Variants in CUL2 observed in about 807,000 individuals in gnomAD.
CUL2 encodes cullin 2.
Under a neutral mutation model 110.2 loss-of-function variants are expected in CUL2, and 22 were observed. The observed-to-expected ratio is 0.20, with a 90% confidence interval of 0.14 to 0.28. The LOEUF is 0.28. Among genes scored for constraint, CUL2 ranks in the 10% least tolerant of loss-of-function variants. The probability of loss-of-function intolerance (pLI) is 1.00; values close to 1 mark genes in which losing one functional copy is unlikely to be tolerated. For missense variants in CUL2, 631 were observed against 905.5 expected, an observed-to-expected ratio of 0.70 and a Z score of 3.89; for synonymous variants, 279 against 293.2, an observed-to-expected ratio of 0.95 and a Z score of 0.49.
intron 1 of CUL2, among the ~76,000 whole-genome samples, chr10:35,083,102 A>G (rs989347694): frequency 6.6e-6 from 1 of 151,130 alleles, no homozygotes; most frequent in African/African-American, 2.4e-5. Flanking sequence ...GGTTGCAGTG[A>G]GCCAAGATCG....
intron 17 of CUL2, among the ~76,000 whole-genome samples, chr10:35,019,699 G>A (rs1309247200): frequency 6.6e-6 from 1 of 152,148 alleles, no homozygotes; most frequent in Non-Finnish European, 1.5e-5. Flanking sequence ...TAAAGAGCGG[G>A]CAGAACTCTC....
intron 1 of CUL2, among the ~76,000 whole-genome samples, chr10:35,077,219 T>C (rs2086841155): frequency 6.6e-6 from 1 of 151,128 alleles, no homozygotes; most frequent in South Asian, 2.1e-4. Flanking sequence ...TCAAAAACAT[T>C]CTACTAAGTG....
intron 1 of CUL2, among the ~76,000 whole-genome samples, chr10:35,078,658 A>G (rs2086879515): frequency 6.6e-6 from 1 of 152,178 alleles, no homozygotes; most frequent in Non-Finnish European, 1.5e-5. Flanking sequence ...GAGCAAAAAA[A>G]CAATTTAGAT....
intron 1 of CUL2, among the ~76,000 whole-genome samples, chr10:35,111,945 T>C (rs1411166115): frequency 6.6e-6 from 1 of 152,202 alleles, no homozygotes; most frequent in Non-Finnish European, 1.5e-5. Context: ...TAGCCTACTG[T>C]CCAGAGATTG....
chr10:35,044,434 A>G (rs1434708455), intron 8 of CUL2, 132 bp downstream of exon 8: 10 of 569,904 alleles, frequency 1.8e-5, no homozygotes, highest in Non-Finnish European at 2.7e-5. Flanking sequence ...ACTCAGAGTT[A>G]ATGATTAAAT....
intron 2 of CUL2, among the ~76,000 whole-genome samples, chr10:35,097,287 C>T (rs1434222770): frequency 1.3e-5 from 2 of 152,050 alleles, no homozygotes; most frequent in African/African-American, 4.8e-5. Context: ...CCAGATGCAT[C>T]TGTGCCTTGG....
rs2084817867 is a variant in CUL2 at position 35,008,579 on chromosome 10, A to G, written c.*1732T>C. ...ATTTGGAAAACTTTTATCAATCAAC[A>G]AGTTATCAAAACAAGGGTTTGCTTT... On this transcript the variant is annotated 3_prime_UTR_variant, in exon 21 of 21. Transcript: ENST00000374749. 1 of 152,226 alleles carries G rather than the reference A, an allele frequency of 6.6e-6. No individual in the cohort carries two copies. The highest frequency in any genetic ancestry group is 2.4e-5 in the African/African-American group (1 of 41,458). The allele number at this position is 152,226 out of a possible 1,614,324, so 9.4% of individuals were successfully genotyped here.
intron 6 of CUL2, among the ~76,000 whole-genome samples, chr10:35,047,556 G>A (rs1253422910): frequency 4.0e-5 from 6 of 148,860 alleles, no homozygotes; most frequent in African/African-American, 1.5e-4. Context: ...GTTGCAATGA[G>A]CTAAGATCGT....
chr10:35,049,869 A>G, intron 5 of CUL2, 104 bp from the exon 6 acceptor site: 1 of 647,668 alleles, frequency 1.5e-6, no homozygotes, highest in Admixed American at 3.2e-5. Flanking sequence ...AGAAGTATTT[A>G]TACTAATACT....
At chr10:35,051,090 C>T (rs1722675379) in intron 5 of CUL2, among the ~76,000 whole-genome samples, 1 of 151,910 alleles carries the variant, frequency 6.6e-6, no homozygotes, top group Non-Finnish European at 1.5e-5. Context: ...CTGAGACGGG[C>T]GGATCACGAG....
intron 1 of CUL2, among the ~76,000 whole-genome samples, chr10:35,113,594 C>G (rs185607233): frequency 2.9e-4 from 42 of 147,138 alleles, no homozygotes; most frequent in African/African-American, 1.0e-3. Context: ...GAAAAATTAC[C>G]AAGAATGCAA....
At chr10:35,041,900 CCTTTT>C (rs1346034192) in intron 8 of CUL2, among the ~76,000 whole-genome samples, 5 of 152,224 alleles carry the variant, frequency 3.3e-5, no homozygotes, top group Admixed American at 3.3e-4. Context: ...TCCCTCCTTC[CCTTTT>C]AACACCTTGA....
intron 8 of CUL2, among the ~76,000 whole-genome samples, chr10:35,040,444 G>A (rs1271331161): frequency 2.6e-5 from 4 of 152,114 alleles, no homozygotes; most frequent in Admixed American, 1.3e-4. Context: ...AAGTGTTCCC[G>A]GGGAACTACA....
chr10:35,011,162 T>C (rs1424007291), intron 20 of CUL2, among the ~76,000 whole-genome samples: 1 of 152,052 alleles, frequency 6.6e-6, no homozygotes, highest in African/African-American at 2.4e-5. Flanking sequence ...TCCCAAGTAG[T>C]TGGTACTACA....
In CUL2 at chr10:35,078,750, T is replaced by C. The variant is rs528169681; in HGVS notation, c.-22-7411A>G. Among the ~76,000 whole-genome samples, 9 of 152,356 alleles carry C rather than the reference T, an allele frequency of 5.9e-5. No individual in the cohort carries two copies. In the South Asian group the frequency reaches 1.2e-3, roughly 21 times the overall value. ...TTTACTTACCTTCTAAAAGTATAAT[T>C]ATCAATAATGTAAATGGCTAACCAC... is the stretch of plus-strand genomic sequence containing the variant. On this transcript the variant is annotated intron_variant, in intron 1 of 20. Transcript: ENST00000374749.
chr10:35,047,777 C>T (rs993678176), intron 6 of CUL2, among the ~76,000 whole-genome samples: 2 of 151,238 alleles, frequency 1.3e-5, no homozygotes, highest in Non-Finnish European at 2.9e-5. Context: ...ATTAGCAGGG[C>T]GTGGTGGTGC....
At chr10:35,049,659 A>G (rs1255673103) in intron 6 of CUL2, 24 bp downstream of exon 6, 1 of 1,580,512 alleles carries the variant, frequency 6.3e-7, no homozygotes, top group East Asian at 2.2e-5. Flanking sequence ...AAATTGACTC[A>G]GTAAGATAAA....
At position 35,028,882 on chromosome 10, in the gene CUL2, AC is replaced by A; in HGVS notation, c.1544del (p.Gly515ValfsTer19). On this transcript the variant is annotated frameshift_variant, in exon 16 of 21. Coordinates refer to ENST00000374749, the MANE Select transcript of CUL2 (RefSeq NM_003591.4). LOFTEE classifies it high-confidence loss of function. ...AAGGAGCCTGAGTAAGAGGCCACGC[AC>A]CAGCCTAGAAGGAAAAAAATAAAAT... The part of the protein sequence containing the change: ...ISFQIYVLQA[G>X]AWPLTQAPSS... The A allele has an allele frequency of 6.2e-7, 1 of 1,603,944 alleles. No individual in the cohort carries two copies. The highest frequency in any genetic ancestry group is 8.5e-7 in the Non-Finnish European group (1 of 1,173,340).
intron 1 of CUL2, among the ~76,000 whole-genome samples, chr10:35,104,901 G>T (rs2087433324): frequency 6.6e-6 from 1 of 151,600 alleles, no homozygotes; most frequent in Admixed American, 6.6e-5. Context: ...AGCTAATTTT[G>T]TATCTTAAGT....
Sources: allele counts gnomAD v4.1 joint callset (sites outside exome capture counted in the v4.1 genomes callset), GRCh38; gene constraint gnomAD v4.1.1; transcripts MANE v1.5; gene names NCBI Gene and HGNC (gene_info 2026-07-23, HGNC 2026-07-21).